The following SHANK2 variants were observed in gnomAD, a reference collection of about 807,000 sequenced individuals.
The protein encoded by SHANK2 is SH3 and multiple ankyrin repeat domains 2, also known as SH3 and multiple ankyrin repeat domains protein 2.
Under a neutral mutation model 133.7 loss-of-function variants are expected in SHANK2, and 43 were observed. That is an observed-to-expected ratio of 0.32 (90% confidence interval 0.25 to 0.41). The LOEUF is 0.41. Among genes scored for constraint, SHANK2 ranks in the 10% least tolerant of loss-of-function variants. SHANK2 has a pLI of 1.00. For synonymous variants in SHANK2, 1,017 were observed against 952.8 expected, an observed-to-expected ratio of 1.07 and a Z score of -1.24; for missense variants, 1,994 against 2,235.8, an observed-to-expected ratio of 0.89 and a Z score of 2.18.
intron 11 of SHANK2, among the ~76,000 whole-genome samples, chr11:70,894,503 AG>A (rs772268319): frequency 6.6e-6 from 1 of 151,888 alleles, no homozygotes; most frequent in African/African-American, 2.4e-5. Context: ...GTTTTTGAGT[AG>A]GGGGGTTTAG....
intron 11 of SHANK2, among the ~76,000 whole-genome samples, chr11:70,852,310 C>A (rs1187316982): frequency 1.3e-5 from 2 of 152,194 alleles, no homozygotes; most frequent in Non-Finnish European, 2.9e-5. Flanking sequence ...GGAACGTAAA[C>A]CCCAGTCAAC....
chr11:71,071,499 A>C (rs1951140582), intron 9 of SHANK2, among the ~76,000 whole-genome samples: 1 of 152,250 alleles, frequency 6.6e-6, no homozygotes, highest in African/African-American at 2.4e-5. Context: ...TCAGCAGAGA[A>C]AACAGGGAAG....
intron 2 of SHANK2, among the ~76,000 whole-genome samples, chr11:71,201,711 T>C (rs1239900806): frequency 1.3e-5 from 2 of 152,214 alleles, no homozygotes; most frequent in African/African-American, 2.4e-5. Context: ...AAGCAGAGAC[T>C]TGTCCACGCC....
At chr11:70,839,900 G>A (rs1395045815) in intron 11 of SHANK2, among the ~76,000 whole-genome samples, 3 of 152,210 alleles carry the variant, frequency 2.0e-5, no homozygotes, top group Non-Finnish European at 4.4e-5. Flanking sequence ...CGAGCTGGCA[G>A]CATAGTGAAT....
intron 1 of SHANK2, among the ~76,000 whole-genome samples, chr11:71,247,540 C>T (rs542318827): frequency 1.3e-5 from 2 of 151,872 alleles, no homozygotes; most frequent in South Asian, 2.1e-4. Context: ...AGAGGCAGGC[C>T]CCAGCCCAGC....
At chr11:70,944,040 A>T in intron 10 of SHANK2, 1 of 450,296 alleles carries the variant, frequency 2.2e-6, no homozygotes, top group South Asian at 1.6e-5. Context: ...TCCTGTGTTT[A>T]TGCTATTATG....
At chr11:70,629,421 C>T (rs2060949894) in intron 17 of SHANK2, among the ~76,000 whole-genome samples, 1 of 152,148 alleles carries the variant, frequency 6.6e-6, no homozygotes, top group Non-Finnish European at 1.5e-5. Context: ...CTGCTGCTGG[C>T]CTCCCGGGTC....
At chr11:70,769,314 C>G (rs185845116) in intron 14 of SHANK2, among the ~76,000 whole-genome samples, 1 of 152,164 alleles carries the variant, frequency 6.6e-6, no homozygotes, top group Non-Finnish European at 1.5e-5. Flanking sequence ...CTCCTTTGCT[C>G]GCAGACATGT....
At chr11:71,085,812 ATGT>A (rs1951390676) in intron 8 of SHANK2, among the ~76,000 whole-genome samples, 3 of 32,076 alleles carry the variant, frequency 9.4e-5, no homozygotes, top group African/African-American at 2.9e-4. Context: ...ATAATATATT[ATGT>A]TATATTATAT....
intron 14 of SHANK2, among the ~76,000 whole-genome samples, chr11:70,796,708 G>A (rs1947922254): frequency 1.3e-5 from 2 of 152,226 alleles, no homozygotes; most frequent in South Asian, 4.1e-4. Context: ...TTGCTGCCCA[G>A]TGTAAATCCC....
At position 70,512,239 on chromosome 11, in the gene SHANK2, C is replaced by T. The variant is rs531865668; in HGVS notation, c.2062-9308G>A. Among the ~76,000 whole-genome samples, 24 of 152,276 alleles carry T rather than the reference C, an allele frequency of 1.6e-4. No homozygotes were observed. The East Asian group carries it at 1.9e-3, about 12-fold the overall frequency. On this transcript the variant is annotated intron_variant, in intron 17 of 25. Transcript: ENST00000601538. ...GCCAGCAATAATCTCCACCCCCAAG[C>T]GTGAAAATCAAGAATGTTTCCAGAT...
intron 3 of SHANK2, among the ~76,000 whole-genome samples, chr11:71,129,029 C>T (rs1478514140): frequency 1.3e-5 from 2 of 152,206 alleles, no homozygotes; most frequent in Admixed American, 6.5e-5. Flanking sequence ...ATGATCCATC[C>T]GCCTCGGCCT....
intron 17 of SHANK2, among the ~76,000 whole-genome samples, chr11:70,529,241 A>G (rs965957644): frequency 2.0e-5 from 3 of 152,206 alleles, no homozygotes; most frequent in Non-Finnish European, 4.4e-5. Flanking sequence ...GTCTGTACCC[A>G]CTGCAGAATC....
chr11:70,817,274 C>G (rs1948418964), intron 12 of SHANK2, among the ~76,000 whole-genome samples: 2 of 152,228 alleles, frequency 1.3e-5, no homozygotes. Flanking sequence ...GACCTCTCAG[C>G]TCATCAGTGC....
chr11:70,556,593 T>TC (rs1185762802), intron 17 of SHANK2, among the ~76,000 whole-genome samples: 1 of 29,064 alleles, frequency 3.4e-5, no homozygotes, highest in Non-Finnish European at 8.4e-5. Context: ...TTTTTTTCTT[T>TC]TTTTTTTTTT....
At chr11:71,167,160 C>A (rs1819624809) in intron 2 of SHANK2, among the ~76,000 whole-genome samples, 1 of 152,138 alleles carries the variant, frequency 6.6e-6, no homozygotes, top group Admixed American at 6.5e-5. Context: ...TAGTACAGAA[C>A]AAAATGAAAA....
chr11:70,869,743 TC>T (rs1383534862), intron 11 of SHANK2, among the ~76,000 whole-genome samples: 3 of 152,224 alleles, frequency 2.0e-5, no homozygotes, highest in African/African-American at 7.2e-5. Context: ...TTGATTGTCC[TC>T]CCCCAGACAG....
chr11:70,673,457 G>T (rs74471981), intron 15 of SHANK2, among the ~76,000 whole-genome samples: 4 of 152,348 alleles, frequency 2.6e-5, no homozygotes, highest in Non-Finnish European at 1.5e-5. Flanking sequence ...ATGCTGGCGG[G>T]CCATGGGACA....
At chr11:70,602,105 C>T (rs533766420) in intron 17 of SHANK2, among the ~76,000 whole-genome samples, 4 of 152,294 alleles carry the variant, frequency 2.6e-5, no homozygotes, top group South Asian at 4.1e-4. Flanking sequence ...TGGTTAAGTG[C>T]GTGGCAGCTC....
Sources: allele counts gnomAD v4.1 joint callset (sites outside exome capture counted in the v4.1 genomes callset), GRCh38; gene constraint gnomAD v4.1.1; transcripts MANE v1.5; gene names NCBI Gene and HGNC (gene_info 2026-07-23, HGNC 2026-07-21).